KCNJ6: variants seen among roughly 807,000 people sequenced by gnomAD.
KCNJ6 encodes potassium inwardly rectifying channel subfamily J member 6.
In KCNJ6, 9 loss-of-function variants were observed where a neutral mutation model predicts 34.2. The observed-to-expected ratio is 0.26, with a 90% confidence interval of 0.16 to 0.46. The LOEUF is 0.46. Among genes scored for constraint, KCNJ6 ranks in the 20% least tolerant of loss-of-function variants. The pLI, the probability that KCNJ6 is intolerant of heterozygous loss-of-function variation, is 1.00. For synonymous variants in KCNJ6, 196 were observed against 207.1 expected (o/e 0.95, Z 0.46); for missense variants, 236 against 531.3 (o/e 0.44, Z 5.46).
At chr21:37,677,835 G>C (rs1322595252) in intron 3 of KCNJ6, among the ~76,000 whole-genome samples, 3 of 30,540 alleles carry the variant, frequency 9.8e-5, no homozygotes, top group Admixed American at 5.0e-4. Flanking sequence ...TCATCCATCA[G>C]TTCACTCATT....
intron 2 of KCNJ6, among the ~76,000 whole-genome samples, chr21:37,729,496 G>A (rs2054873158): frequency 6.6e-6 from 1 of 152,088 alleles, no homozygotes; most frequent in African/African-American, 2.4e-5. Flanking sequence ...GCTAATTTTT[G>A]TACTTTTTGT....
At chr21:37,629,332 ATAT>A (rs1378385950) in intron 3 of KCNJ6, among the ~76,000 whole-genome samples, 1 of 152,136 alleles carries the variant, frequency 6.6e-6, no homozygotes, top group Non-Finnish European at 1.5e-5. Context: ...GTTGGGGGAA[ATAT>A]TAATAATATT....
rs143430686 is a variant in KCNJ6, at chr21:37,662,593, A to G, written c.947-37109T>C. On this transcript the variant is annotated intron_variant, in intron 3 of 3. Transcript: ENST00000609713. ...ATATGCATGCATGTATCTTTGTAAT[A>G]GAATGATTTATATTCCTTTAGGTAT... Among the ~76,000 whole-genome samples, 240 of 152,344 alleles carry G rather than the reference A, an allele frequency of 1.6e-3. 2 individuals are homozygous for G. Among genetic ancestry groups the G allele is most frequent in the African/African-American group, 5.2e-3 (216 of 41,578 alleles).
In KCNJ6 at chr21:37,655,269, G is replaced by C. The variant is rs200138387; in HGVS notation, c.947-29785C>G. Among the ~76,000 whole-genome samples the C allele has an allele frequency of 2.8e-5, 3 of 106,910 alleles. 1 individual carries two copies. The South Asian group carries it at 1.2e-3, about 42-fold the overall frequency. 70.1% of individuals were successfully genotyped at this position (106,910 alleles called of 152,430 possible). On this transcript the variant is annotated intron_variant, in intron 3 of 3. Coordinates refer to ENST00000609713, the MANE Select transcript of KCNJ6 (RefSeq NM_002240.5). ...AGAGAGAGAGAGAGAGAGAGAGAGA[G>C]AGAGAGAGAGAGAGAGTGTAACCAT...
At chr21:37,860,897 T>C (rs2055591824) in intron 1 of KCNJ6, among the ~76,000 whole-genome samples, 1 of 70,846 alleles carries the variant, frequency 1.4e-5, no homozygotes, top group African/African-American at 8.7e-5. Context: ...GACAGTATAA[T>C]CTGGGGTTAG....
At chr21:37,863,390 G>T (rs1007435191) in intron 1 of KCNJ6, among the ~76,000 whole-genome samples, 3 of 151,976 alleles carry the variant, frequency 2.0e-5, no homozygotes, top group African/African-American at 7.3e-5. Flanking sequence ...GATGGGTATC[G>T]CACAGGTACC....
intron 3 of KCNJ6, among the ~76,000 whole-genome samples, chr21:37,637,867 G>C (rs2054364966): frequency 6.6e-6 from 1 of 152,214 alleles, no homozygotes; most frequent in Non-Finnish European, 1.5e-5. Flanking sequence ...GCAAGAAGGT[G>C]GTTGTCCTAC....
intron 2 of KCNJ6, among the ~76,000 whole-genome samples, chr21:37,830,206 C>T (rs529377319): frequency 1.3e-5 from 2 of 152,298 alleles, no homozygotes; most frequent in South Asian, 4.1e-4. Context: ...GCTGACCAGA[C>T]AGACTCTCCT....
chr21:37,860,609 C>A (rs183225855), intron 1 of KCNJ6, among the ~76,000 whole-genome samples: 8 of 152,324 alleles, frequency 5.3e-5, no homozygotes, highest in African/African-American at 1.4e-4. Context: ...CCTCCACCCT[C>A]ATTTCCCAGC....
At chr21:37,850,592 T>C (rs889328443) in intron 1 of KCNJ6, among the ~76,000 whole-genome samples, 15 of 151,184 alleles carry the variant, frequency 9.9e-5, no homozygotes, top group Non-Finnish European at 1.8e-4. Context: ...CGTGGAAAAA[T>C]TGTCTTCCAT....
At chr21:37,629,321 T>C (rs2054324099) in intron 3 of KCNJ6, among the ~76,000 whole-genome samples, 1 of 152,106 alleles carries the variant, frequency 6.6e-6, no homozygotes, top group Non-Finnish European at 1.5e-5. Context: ...TGGGTCTGTT[T>C]GTTGGGGGAA....
chr21:37,888,930 C>G (rs934525162), intron 1 of KCNJ6, among the ~76,000 whole-genome samples: 2 of 152,224 alleles, frequency 1.3e-5, no homozygotes, highest in African/African-American at 4.8e-5. Context: ...CTGAGGCCAT[C>G]AAGTTACACC....
chr21:37,857,834 T>C (rs2055572824), intron 1 of KCNJ6, among the ~76,000 whole-genome samples: 1 of 151,948 alleles, frequency 6.6e-6, no homozygotes, highest in Non-Finnish European at 1.5e-5. Context: ...GTAAAGCAAA[T>C]ATAGAAATAG....
intron 2 of KCNJ6, among the ~76,000 whole-genome samples, chr21:37,830,939 AG>A (rs1338757840): frequency 6.6e-6 from 1 of 152,186 alleles, no homozygotes; most frequent in Non-Finnish European, 1.5e-5. Context: ...AATGGCCGTT[AG>A]GGGGAAGATC....
intron 1 of KCNJ6, among the ~76,000 whole-genome samples, chr21:37,884,843 C>T (rs926348145): frequency 1.3e-4 from 20 of 152,140 alleles, no homozygotes; most frequent in African/African-American, 4.3e-4. Context: ...AAATAATGTG[C>T]GTCTCACTTC....
At chr21:37,731,248 T>G (rs1486648795) in intron 2 of KCNJ6, among the ~76,000 whole-genome samples, 1 of 151,568 alleles carries the variant, frequency 6.6e-6, no homozygotes, top group Non-Finnish European at 1.5e-5. Context: ...AATAATGGAG[T>G]GAAAGATTTA....
intron 2 of KCNJ6, among the ~76,000 whole-genome samples, chr21:37,839,674 T>C (rs1490174950): frequency 2.0e-5 from 3 of 152,234 alleles, no homozygotes; most frequent in Non-Finnish European, 4.4e-5. Context: ...GAAATTTCCA[T>C]TTTTCAAAGG....
At chr21:37,755,118 GA>G (rs2055017346) in intron 2 of KCNJ6, among the ~76,000 whole-genome samples, 1 of 152,130 alleles carries the variant, frequency 6.6e-6, no homozygotes, top group Admixed American at 6.5e-5. Context: ...TCTTAGAAAA[GA>G]AGTTTGCAAG....
chr21:37,608,705 G>A lies in KCNJ6; in HGVS notation c.*16454C>T, dbSNP rs1366851302. Reference sequence around the variant, plus strand: ...GGTTTTGTGTGGTTCGATGCACTTAGCGCAGTGTTGTTGCATGGTAAGGGC... The same window carrying A: ...GGTTTTGTGTGGTTCGATGCACTTAACGCAGTGTTGTTGCATGGTAAGGGC... On this transcript the variant is annotated 3_prime_UTR_variant, in exon 4 of 4. Transcript: ENST00000609713. 5 of 152,198 alleles carry A rather than the reference G, an allele frequency of 3.3e-5. No individual in the cohort carries two copies. The highest frequency in any genetic ancestry group is 7.3e-5 in the Non-Finnish European group (5 of 68,044). The allele number at this position is 152,198 out of a possible 1,614,324, so 9.4% of individuals were successfully genotyped here.
Sources: gnomAD v4.1 joint callset for allele counts (sites outside exome capture counted in the v4.1 genomes callset) on GRCh38, gnomAD v4.1.1 for gene constraint, MANE v1.5 for transcripts, NCBI Gene and HGNC (gene_info 2026-07-23, HGNC 2026-07-21) for gene names.